Variants in PTGER3 observed in about 807,000 individuals in gnomAD.
PTGER3 encodes prostaglandin E receptor 3, also known as prostaglandin E2 receptor EP3 subtype.
In PTGER3, 22 loss-of-function variants were observed where a neutral mutation model predicts 34.7. The observed-to-expected ratio is 0.63, with a 90% CI of 0.45 to 0.91. The LOEUF is 0.91. Ranked by LOEUF, PTGER3 falls within the 40% of genes least tolerant of loss-of-function variation. The pLI, the probability that PTGER3 is intolerant of heterozygous loss-of-function variation, is 0.00. For missense variants in PTGER3, 468 were observed against 519.4 expected (o/e 0.90, Z 0.96); for synonymous variants, 241 against 230.1 (o/e 1.05, Z -0.43).
chr1:70,912,936 G>A (rs1331716134), intron 4 of PTGER3, among the ~76,000 whole-genome samples: 2 of 151,898 alleles, frequency 1.3e-5, no homozygotes, highest in South Asian at 2.1e-4. Flanking sequence ...AGTAGTATAA[G>A]TCCTTCAATT....
chr1:70,917,403 TTG>T (rs59163586), intron 4 of PTGER3, among the ~76,000 whole-genome samples: 5,436 of 136,236 alleles, frequency 0.04, 184 homozygotes, highest in African/African-American at 0.095. Flanking sequence ...GTATTTTATT[TTG>T]TGTGTGTGTG....
rs370679130 is a variant in PTGER3 at position 70,903,264 on chromosome 1, CT to C, written c.*24-50406del. 2.8e-3 allele frequency among the ~76,000 whole-genome samples: 428 copies of C among 152,258 alleles called. 3 individuals carry two copies. The highest frequency in any genetic ancestry group is 9.9e-3 in the African/African-American group (411 of 41,550). On this transcript the variant is annotated intron_variant, in intron 4 of 4. Coordinates refer to the PTGER3 transcript ENST00000370931. ...CCCCCACTGTCACCTTAATTTTAGGCTTCTGGTCTCCAGAACTGGAAGAAAA... is the reference window on the plus strand; with the variant it reads ...CCCCCACTGTCACCTTAATTTTAGGCTCTGGTCTCCAGAACTGGAAGAAAA...
downstream of PTGER3, among the ~76,000 whole-genome samples, chr1:70,966,250 A>G (rs1652501630): frequency 6.6e-6 from 1 of 152,140 alleles, no homozygotes. Flanking sequence ...CTCTTCTGTC[A>G]AGGTAAGAAA....
chr1:70,899,510 G>C (rs1646791498), intron 4 of PTGER3, among the ~76,000 whole-genome samples: 1 of 152,110 alleles, frequency 6.6e-6, no homozygotes, highest in Non-Finnish European at 1.5e-5. Context: ...TCACTAATGT[G>C]TTTTGAAGCA....
In PTGER3 at chr1:71,025,698, GGTGA is replaced by G. The variant is rs1469733772; in HGVS notation, c.898-13218_898-13215del. ...TATAAGAGACTATGCTTGCCTGTGA[GGTGA>G]GTGAGTTGCAGGAATGTCTTCAATG... On this transcript the variant is annotated intron_variant, in intron 1 of 3. Transcript: ENST00000306666. 3.9e-5 allele frequency among the ~76,000 whole-genome samples: 6 copies of G among 152,206 alleles called. No individual in the cohort carries two copies. In the South Asian group the frequency reaches 1.0e-3, roughly 26 times the overall value.
chr1:71,028,862 T>C (rs979958788), intron 1 of PTGER3, among the ~76,000 whole-genome samples: 1 of 152,052 alleles, frequency 6.6e-6, no homozygotes, highest in African/African-American at 2.4e-5. Flanking sequence ...TAAAGAAAAA[T>C]ATGCACTATT....
rs181214285 is a variant in PTGER3, at chr1:70,879,880, G to A, written c.*24-27021C>T. 4.0e-3 allele frequency among the ~76,000 whole-genome samples: 614 copies of A among 152,202 alleles called. 4 individuals are homozygous for A. The highest frequency in any genetic ancestry group is 0.014 in the African/African-American group (592 of 41,526). On this transcript the variant is annotated intron_variant, in intron 4 of 4. Coordinates refer to the PTGER3 transcript ENST00000370931. The stretch of plus-strand genomic sequence containing the variant: ...GGAGGCCGAGTGGGTGGATCATGAG[G>A]TCAAGAGATTGAGACCATCCTGGCC...
At chr1:70,897,604 A>G (rs1157319072) in intron 4 of PTGER3, among the ~76,000 whole-genome samples, 1 of 152,078 alleles carries the variant, frequency 6.6e-6, no homozygotes, top group Non-Finnish European at 1.5e-5. Flanking sequence ...GGCATATATC[A>G]TAGTATCATA....
chr1:70,984,569 A>C (rs887992598), intron 2 of PTGER3, among the ~76,000 whole-genome samples: 3 of 152,012 alleles, frequency 2.0e-5, no homozygotes, highest in African/African-American at 7.3e-5. Flanking sequence ...AAAGTTTTAA[A>C]TTAGTCAGGT....
downstream of PTGER3, among the ~76,000 whole-genome samples, chr1:70,967,462 C>T (rs1652647906): frequency 6.6e-6 from 1 of 151,690 alleles, no homozygotes; most frequent in African/African-American, 2.4e-5. Context: ...GTACAAATTA[C>T]CTTAAAGTAA....
At chr1:70,935,439 G>A (rs1225674368) in intron 4 of PTGER3, among the ~76,000 whole-genome samples, 1 of 151,718 alleles carries the variant, frequency 6.6e-6, no homozygotes, top group African/African-American at 2.4e-5. Flanking sequence ...GCATGTTTTA[G>A]CCATGAATAG....
chr1:70,879,834 A>G lies in PTGER3; in HGVS notation c.*24-26975T>C, dbSNP rs183736844. On this transcript the variant is annotated intron_variant, in intron 4 of 4. Transcript: ENST00000370931. Reference sequence around the variant, plus strand: ...TGTGTGGCCAGGTGCAGTAGCTCACACTTGCAATCCCAGCACTTTGGGAGG... The same window carrying G: ...TGTGTGGCCAGGTGCAGTAGCTCACGCTTGCAATCCCAGCACTTTGGGAGG... 1.1e-3 allele frequency among the ~76,000 whole-genome samples: 168 copies of G among 152,182 alleles called. 1 individual carries two copies. Among genetic ancestry groups the G allele is most frequent in the African/African-American group, 3.6e-3 (149 of 41,532 alleles).
chr1:70,884,357 G>A (rs575810701), intron 4 of PTGER3, among the ~76,000 whole-genome samples: 4 of 152,160 alleles, frequency 2.6e-5, no homozygotes, highest in Non-Finnish European at 2.9e-5. Flanking sequence ...CCATGATTAT[G>A]TTACATTATA....
chr1:70,929,949 C>T (rs771840238), intron 4 of PTGER3, among the ~76,000 whole-genome samples: 3 of 152,156 alleles, frequency 2.0e-5, no homozygotes, highest in Admixed American at 6.5e-5. Flanking sequence ...CTCTTATCAG[C>T]TTAGAAATGC....
At chr1:70,895,747 G>A (rs1224113199) in intron 4 of PTGER3, among the ~76,000 whole-genome samples, 1 of 152,208 alleles carries the variant, frequency 6.6e-6, no homozygotes, top group Non-Finnish European at 1.5e-5. Flanking sequence ...GAAGTGTGAT[G>A]TTAAGGTAAC....
chr1:71,033,562 A>G (rs1357631918), intron 1 of PTGER3, among the ~76,000 whole-genome samples: 2 of 152,258 alleles, frequency 1.3e-5, no homozygotes, highest in Non-Finnish European at 2.9e-5. Context: ...ATTCACTGCC[A>G]TATTTCCAGC....
chr1:70,911,225 A>C (rs1647054232), intron 4 of PTGER3, among the ~76,000 whole-genome samples: 1 of 151,250 alleles, frequency 6.6e-6, no homozygotes, highest in African/African-American at 2.4e-5. Flanking sequence ...CCGCAGAGAG[A>C]CAAGCAAACA....
At chr1:71,027,656 T>C (rs1471462715) in intron 1 of PTGER3, among the ~76,000 whole-genome samples, 1 of 152,230 alleles carries the variant, frequency 6.6e-6, no homozygotes, top group Admixed American at 6.5e-5. Context: ...AATGCAGTAC[T>C]ATCCAAGAGA....
chr1:71,003,600 C>T (rs918434569), intron 2 of PTGER3, among the ~76,000 whole-genome samples: 1 of 152,090 alleles, frequency 6.6e-6, no homozygotes, highest in African/African-American at 2.4e-5. Context: ...CCTCTCAGAT[C>T]AAATTGTGTT....
Sources: gnomAD v4.1 joint callset for allele counts (sites outside exome capture counted in the v4.1 genomes callset) on GRCh38, gnomAD v4.1.1 for gene constraint, MANE v1.5 for transcripts, NCBI Gene and HGNC (gene_info 2026-07-23, HGNC 2026-07-21) for gene names.